The following GNAO1 variants were observed in gnomAD, a reference collection of about 807,000 sequenced individuals.
GNAO1 encodes the protein G protein subunit alpha o1.
For synonymous variants in GNAO1, 164 were observed against 180.7 expected, an observed-to-expected ratio of 0.91 and a Z score of 0.74; for missense variants, 166 against 478.7, an observed-to-expected ratio of 0.35 and a Z score of 6.10.
chr16:56,256,322 A>G (rs959058293), intron 2 of GNAO1, among the ~76,000 whole-genome samples: 4 of 152,166 alleles, frequency 2.6e-5, no homozygotes, highest in East Asian at 1.9e-4. Context: ...ACCTGGGTCA[A>G]TCAGGCAAAG....
chr16:56,249,252 A>G (rs747850571), intron 2 of GNAO1, among the ~76,000 whole-genome samples: 2 of 152,138 alleles, frequency 1.3e-5, no homozygotes, highest in Admixed American at 6.5e-5. Flanking sequence ...ATGGGGGGGA[A>G]CAAGTTTGGG....
intron 2 of GNAO1, among the ~76,000 whole-genome samples, chr16:56,234,667 C>T (rs1243819935): frequency 5.9e-5 from 9 of 152,148 alleles, no homozygotes; most frequent in Non-Finnish European, 1.0e-4. Context: ...GAGTCTTCTC[C>T]GAGGGTACAG....
chr16:56,343,917 C>A, intron 6 of GNAO1: 1 of 1,614,102 alleles, frequency 6.2e-7, no homozygotes, highest in Non-Finnish European at 8.5e-7. Context: ...ACGTCATCAT[C>A]GCCAAAAACC....
chr16:56,232,936 C>A (rs1461624545), intron 2 of GNAO1, among the ~76,000 whole-genome samples: 1 of 152,114 alleles, frequency 6.6e-6, no homozygotes, highest in African/African-American at 2.4e-5. Context: ...TTTGTGAGTA[C>A]AATAAAACAT....
At chr16:56,276,865 G>A (rs1226668176) in intron 3 of GNAO1, 1 of 152,154 alleles carries the variant, frequency 6.6e-6, no homozygotes, top group East Asian at 1.9e-4. Context: ...CCTGGAGATT[G>A]GAGAAGGGGG....
intron 2 of GNAO1, among the ~76,000 whole-genome samples, chr16:56,220,876 T>C (rs1212039841): frequency 6.6e-5 from 10 of 152,136 alleles, no homozygotes; most frequent in African/African-American, 2.4e-4. Context: ...GCCACCTGAG[T>C]ACCTGGGATT....
chr16:56,309,755 G>A (rs1055409301), intron 3 of GNAO1, among the ~76,000 whole-genome samples: 23 of 152,212 alleles, frequency 1.5e-4, no homozygotes, highest in African/African-American at 5.1e-4. Context: ...TGTGCGTGCC[G>A]CTCTGCTCCC....
chr16:56,343,801 G>A, intron 6 of GNAO1: 1 of 1,613,710 alleles, frequency 6.2e-7, no homozygotes, highest in Non-Finnish European at 8.5e-7. Context: ...TTACATCCAG[G>A]CCCAGTACGA....
intron 3 of GNAO1, among the ~76,000 whole-genome samples, chr16:56,316,710 T>C (rs2037513813): frequency 6.6e-6 from 1 of 152,168 alleles, no homozygotes; most frequent in Admixed American, 6.5e-5. Flanking sequence ...CTGGTGCTGA[T>C]GGATCTGACG....
At chr16:56,238,688 G>T (rs112929418) in intron 2 of GNAO1, among the ~76,000 whole-genome samples, 23 of 152,326 alleles carry the variant, frequency 1.5e-4, no homozygotes, top group African/African-American at 5.3e-4. Flanking sequence ...AGGCCCATTG[G>T]CATAGCATGT....
chr16:56,241,551 A>T (rs568583609), intron 2 of GNAO1, among the ~76,000 whole-genome samples: 1 of 152,238 alleles, frequency 6.6e-6, no homozygotes, highest in Non-Finnish European at 1.5e-5. Context: ...GTTATCTCCT[A>T]TTTAAAGCAG....
intron 3 of GNAO1, among the ~76,000 whole-genome samples, chr16:56,316,998 C>A (rs570010533): frequency 6.6e-6 from 1 of 152,332 alleles, no homozygotes; most frequent in South Asian, 2.1e-4. Flanking sequence ...CTTCCCACCC[C>A]CTGGCCCCTG....
intron 2 of GNAO1, among the ~76,000 whole-genome samples, chr16:56,208,511 G>A (rs1292522535): frequency 5.3e-5 from 8 of 152,086 alleles, no homozygotes; most frequent in African/African-American, 1.9e-4. Flanking sequence ...AGGGTTCTTT[G>A]AAGAGGAATT....
chr16:56,246,858 T>C (rs1175884508), intron 2 of GNAO1, among the ~76,000 whole-genome samples: 2 of 152,176 alleles, frequency 1.3e-5, no homozygotes, highest in Non-Finnish European at 2.9e-5. Context: ...AAAGAGCGAA[T>C]GTTTAATTTG....
chr16:56,270,479 T>A, intron 2 of GNAO1: 1 of 151,950 alleles, frequency 6.6e-6, no homozygotes, highest in East Asian at 1.9e-4. Context: ...GTCTGCCTCC[T>A]TTAGTGAGTG....
intron 3 of GNAO1, among the ~76,000 whole-genome samples, chr16:56,298,640 C>T (rs112686726): frequency 0.02 from 3,009 of 152,142 alleles, 52 homozygotes; most frequent in African/African-American, 0.042. Flanking sequence ...AGGCTGGGCA[C>T]GATGGCTCAC....
intron 2 of GNAO1, among the ~76,000 whole-genome samples, chr16:56,264,597 C>A (rs749578740): frequency 1.3e-5 from 2 of 152,166 alleles, no homozygotes; most frequent in African/African-American, 2.4e-5. Context: ...GTCAACAGGA[C>A]ATCCTTCTTG....
chr16:56,269,433 C>T (rs569052555), intron 2 of GNAO1, among the ~76,000 whole-genome samples: 37 of 152,300 alleles, frequency 2.4e-4, no homozygotes, highest in African/African-American at 8.9e-4. Context: ...CCCCGTCCCT[C>T]GTACCAAGTA....
chr16:56,215,435 A>G (rs990918848), intron 2 of GNAO1, among the ~76,000 whole-genome samples: 1 of 152,242 alleles, frequency 6.6e-6, no homozygotes, highest in Non-Finnish European at 1.5e-5. Flanking sequence ...CGGTTTCAGC[A>G]CAATGAAGGG....
Sources: gnomAD v4.1 joint callset for allele counts (sites outside exome capture counted in the v4.1 genomes callset) on GRCh38, gnomAD v4.1.1 for gene constraint, MANE v1.5 for transcripts, NCBI Gene and HGNC (gene_info 2026-07-23, HGNC 2026-07-21) for gene names.